The following AFF3 variants were observed in gnomAD, a reference collection of about 807,000 sequenced individuals.
AFF3 encodes ALF transcription elongation factor 3.
AFF3 carries 32 observed loss-of-function variants against 129.7 expected under a neutral mutation model. The ratio of observed to expected loss-of-function variants is 0.25; its 90% CI spans 0.19 to 0.33. The LOEUF (loss-of-function observed/expected upper bound fraction) is 0.33. Among genes scored for constraint, AFF3 ranks in the 10% least tolerant of loss-of-function variants. The probability of loss-of-function intolerance (pLI) is 1.00; values close to 1 mark genes in which losing one functional copy is unlikely to be tolerated. For synonymous variants in AFF3, 644 were observed against 635.4 expected (o/e 1.01, Z -0.20); for missense variants, 1,373 against 1,592.0 (o/e 0.86, Z 2.34).
At chr2:100,119,639 T>C (rs1691870840) in intron 2 of AFF3, among the ~76,000 whole-genome samples, 1 of 152,238 alleles carries the variant, frequency 6.6e-6, no homozygotes, top group South Asian at 2.1e-4. Context: ...TGTGCACACA[T>C]TCTCTCATTT....
intron 7 of AFF3, among the ~76,000 whole-genome samples, chr2:99,919,209 A>G (rs979372379): frequency 2.0e-5 from 3 of 152,228 alleles, no homozygotes; most frequent in African/African-American, 7.2e-5. Context: ...ATGATCCATG[A>G]GCATAAAACT....
intron 4 of AFF3, among the ~76,000 whole-genome samples, chr2:100,040,778 C>T (rs113077232): frequency 2.6e-5 from 4 of 152,302 alleles, no homozygotes; most frequent in African/African-American, 4.8e-5. Flanking sequence ...GGGGAGGCAG[C>T]GTTGTTTTAG....
intron 4 of AFF3, among the ~76,000 whole-genome samples, chr2:100,052,348 A>G (rs1218065696): frequency 6.6e-6 from 1 of 152,198 alleles, no homozygotes; most frequent in Non-Finnish European, 1.5e-5. Context: ...AGGCAGAAGT[A>G]GCTCTAGATC....
At chr2:99,879,799 T>C (rs1410479501) in intron 7 of AFF3, among the ~76,000 whole-genome samples, 2 of 152,218 alleles carry the variant, frequency 1.3e-5, no homozygotes, top group African/African-American at 4.8e-5. Context: ...TCTTGAGTAT[T>C]TTATGTCCTT....
Position 99,568,891 on chromosome 2 carries a change from C to A in AFF3, c.2943G>T (p.Met981Ile). The stretch of plus-strand genomic sequence containing the variant: ...TATGCTTCATTCGTTTAGCTTCTTG[C>A]ATAAAATAATCGGCACTGCGAGGCC... ...DDMPRSADYF[M>I]QEAKRMKHKA... Residue 981 changes from methionine (M) to isoleucine (I), a missense_variant, in exon 19 of 25, where the codon ATG becomes ATT. Met to Ile is a conservative substitution (Grantham distance 10). This residue lies in a region of AFF3 where 65 missense variants were observed against 102.1 expected (regional missense o/e 0.64). Transcript: ENST00000672756. 1 of 1,614,122 alleles carries A rather than the reference C, an allele frequency of 6.2e-7. No homozygotes were observed. The highest frequency in any genetic ancestry group is 8.5e-7 in the Non-Finnish European group (1 of 1,180,000).
At chr2:99,735,223 C>G (rs758509982) in intron 10 of AFF3, among the ~76,000 whole-genome samples, 15 of 151,966 alleles carry the variant, frequency 9.9e-5, no homozygotes, top group Non-Finnish European at 1.5e-4. Context: ...ACAGTTTATT[C>G]CCTTTTTGAT....
intron 2 of AFF3, among the ~76,000 whole-genome samples, chr2:100,122,962 T>C (rs1211814585): frequency 6.6e-6 from 1 of 152,226 alleles, no homozygotes; most frequent in Admixed American, 6.5e-5. Flanking sequence ...AAACGAATGT[T>C]TAATTTGGTA....
chr2:100,061,917 GCA>G (rs1456762169), intron 4 of AFF3, among the ~76,000 whole-genome samples: 1 of 151,074 alleles, frequency 6.6e-6, no homozygotes, highest in Non-Finnish European at 1.5e-5. Flanking sequence ...GAAATGCACA[GCA>G]CTTGATATAA....
chr2:99,616,949 T>C lies in AFF3; in HGVS notation c.1185-15328A>G, dbSNP rs572253376. Among the ~76,000 whole-genome samples, 71 of 152,344 alleles carry C rather than the reference T, an allele frequency of 4.7e-4. 1 individual carries two copies. The highest frequency in any genetic ancestry group is 1.7e-3 in the African/African-American group (71 of 41,586). ...TGACTGCTTCTTTCACTTAGTGTAA[T>C]GTTTTCAAGGGTCATCTATACTGTA... On this transcript the variant is annotated intron_variant, in intron 13 of 24. Transcript: ENST00000672756.
At chr2:99,960,504 C>G (rs754954262) in intron 7 of AFF3, among the ~76,000 whole-genome samples, 1 of 152,156 alleles carries the variant, frequency 6.6e-6, no homozygotes, top group Non-Finnish European at 1.5e-5. Context: ...TCAGAGGTAT[C>G]CTGCTGAGAT....
rs189245825 is a variant in AFF3, at chr2:99,743,555, T to C, written c.1039+549A>G. On this transcript the variant is annotated intron_variant, in intron 10 of 24. Coordinates refer to ENST00000672756, the MANE Select transcript of AFF3 (RefSeq NM_001386135.1). ...AGAAGAGAATTAAAACACTACTTCA[T>C]GGAATGATAGCATCCTCTCTTTGAC... Among the ~76,000 whole-genome samples, 4 of 152,360 alleles carry C rather than the reference T, an allele frequency of 2.6e-5. No individual in the cohort carries two copies. The East Asian group carries it at 7.7e-4, about 29-fold the overall frequency.
intron 7 of AFF3, among the ~76,000 whole-genome samples, chr2:99,846,619 C>T (rs1031144895): frequency 6.6e-6 from 1 of 152,234 alleles, no homozygotes; most frequent in African/African-American, 2.4e-5. Context: ...AAACTAACCA[C>T]TTAAAGATCC....
chr2:100,017,487 T>C (rs983030320), intron 4 of AFF3, among the ~76,000 whole-genome samples: 1 of 152,198 alleles, frequency 6.6e-6, no homozygotes, highest in Admixed American at 6.5e-5. Context: ...AGGAATGAGA[T>C]TGAGGGTGGT....
intron 18 of AFF3, among the ~76,000 whole-genome samples, chr2:99,575,746 A>G (rs1193256396): frequency 2.0e-5 from 3 of 152,140 alleles, no homozygotes; most frequent in East Asian, 1.9e-4. Flanking sequence ...TTATTCTATT[A>G]TATCTATATC....
chr2:100,131,834 A>G (rs1306138138), intron 1 of AFF3, among the ~76,000 whole-genome samples: 2 of 152,226 alleles, frequency 1.3e-5, no homozygotes, highest in Non-Finnish European at 2.9e-5. Flanking sequence ...AGCACCCACT[A>G]TATCCTAGAC....
chr2:99,933,396 G>A (rs1674226642), intron 7 of AFF3, among the ~76,000 whole-genome samples: 1 of 152,062 alleles, frequency 6.6e-6, no homozygotes, highest in African/African-American at 2.4e-5. Context: ...AGGTATACGT[G>A]TGCTTTGGTG....
chr2:99,627,936 C>T (rs910861026), intron 13 of AFF3, among the ~76,000 whole-genome samples: 21 of 39,716 alleles, frequency 5.3e-4, no homozygotes, highest in Middle Eastern at 0.011. Flanking sequence ...TGTTTTTGTA[C>T]CAGTACCCAT....
chr2:99,669,614 T>C (rs186475370), intron 12 of AFF3, among the ~76,000 whole-genome samples: 1 of 152,348 alleles, frequency 6.6e-6, no homozygotes, highest in East Asian at 1.9e-4. Context: ...TATTTTCATC[T>C]GGATATTGGT....
chr2:100,075,652 T>G (rs890755322), intron 4 of AFF3, among the ~76,000 whole-genome samples: 1 of 152,154 alleles, frequency 6.6e-6, no homozygotes, highest in African/African-American at 2.4e-5. Flanking sequence ...TTATGGAAAT[T>G]TCACTATAAT....
Sources: allele counts gnomAD v4.1 joint callset (sites outside exome capture counted in the v4.1 genomes callset), GRCh38; gene constraint gnomAD v4.1.1; regional missense constraint gnomAD v4.1.1; transcripts MANE v1.5; gene names NCBI Gene and HGNC (gene_info 2026-07-23, HGNC 2026-07-21).